The following LDLRAD3 variants were observed in gnomAD, a reference collection of about 807,000 sequenced individuals.
LDLRAD3 encodes the protein low-density lipoprotein receptor class A domain-containing protein 3.
LDLRAD3 carries 20 observed loss-of-function variants against 29.4 expected under a neutral mutation model. That is an observed-to-expected ratio of 0.68 (90% confidence interval 0.48 to 0.99). The LOEUF is 0.99. Ranked by LOEUF, LDLRAD3 falls within the 50% of genes least tolerant of loss-of-function variation. The pLI is 0.00. For synonymous variants in LDLRAD3, 157 were observed against 192.7 expected (o/e 0.81, Z 1.53); for missense variants, 420 against 454.3 (o/e 0.92, Z 0.69).
Position 36,213,474 on chromosome 11 carries a change from C to T in LDLRAD3, c.455-13611C>T, listed in dbSNP as rs12420852. Among the ~76,000 whole-genome samples the T allele has an allele frequency of 0.066, 10,036 of 152,316 alleles. 452 individuals carry two copies. The highest frequency in any genetic ancestry group is 0.2 in the East Asian group (1,012 of 5,176). ...GGAATAGGGATCCGCAAAGGCGCTC[C>T]AGCCCCATGGGATGCTTTTTTTAGA... On this transcript the variant is annotated intron_variant, in intron 4 of 5. Coordinates refer to ENST00000315571, the MANE Select transcript of LDLRAD3 (RefSeq NM_174902.4). The surrounding 1 kb of genome is among the most constrained non-coding windows in gnomAD (Gnocchi z 4.1).
At chr11:35,998,515 T>TAAAC (rs1461537213) in intron 1 of LDLRAD3, among the ~76,000 whole-genome samples, 4 of 152,152 alleles carry the variant, frequency 2.6e-5, no homozygotes, top group Admixed American at 6.5e-5. Flanking sequence ...CAGGCTGATC[T>TAAAC]AAACAAACAA....
At chr11:36,065,708 C>T (rs1373600713) in intron 2 of LDLRAD3, among the ~76,000 whole-genome samples, 1 of 152,202 alleles carries the variant, frequency 6.6e-6, no homozygotes, top group Non-Finnish European at 1.5e-5. Flanking sequence ...ACACACTCAC[C>T]TCTGATGTAT....
intron 1 of LDLRAD3, among the ~76,000 whole-genome samples, chr11:35,981,650 A>AT (rs1279301481): frequency 6.6e-6 from 1 of 152,104 alleles, no homozygotes. Flanking sequence ...AAGGAAGTCG[A>AT]TTTCAGTAGG....
intron 1 of LDLRAD3, among the ~76,000 whole-genome samples, chr11:35,965,622 A>AG (rs1356317300): frequency 6.6e-6 from 1 of 152,170 alleles, no homozygotes; most frequent in Non-Finnish European, 1.5e-5. Context: ...TGGGTAAAAA[A>AG]TTCTGGAGAG....
At chr11:36,001,674 A>G (rs1293563568) in intron 1 of LDLRAD3, among the ~76,000 whole-genome samples, 3 of 152,286 alleles carry the variant, frequency 2.0e-5, no homozygotes, top group Admixed American at 6.5e-5. Flanking sequence ...TAGAAAATAC[A>G]GTTGGAAAGA....
At chr11:36,192,705 C>T (rs749213274) in intron 4 of LDLRAD3, among the ~76,000 whole-genome samples, 3 of 152,184 alleles carry the variant, frequency 2.0e-5, no homozygotes, top group Admixed American at 6.5e-5. Context: ...TGACACCTTC[C>T]ATTACAAACT....
chr11:36,161,491 A>G lies in LDLRAD3; in HGVS notation c.454+63030A>G, dbSNP rs185585927. ...TACCTGTAGATATATTTCTAAATAC[A>G]TATCTGTAGATGTGTTTATAAATGT... On this transcript the variant is annotated intron_variant, in intron 4 of 5. Coordinates refer to ENST00000315571, the MANE Select transcript of LDLRAD3 (RefSeq NM_174902.4). Among the ~76,000 whole-genome samples the G allele has an allele frequency of 4.9e-3, 740 of 152,318 alleles. 6 individuals carry two copies. The highest frequency in any genetic ancestry group is 8.2e-3 in the Non-Finnish European group (558 of 68,024).
At chr11:36,104,900 A>T (rs1053703578) in intron 4 of LDLRAD3, among the ~76,000 whole-genome samples, 1 of 152,064 alleles carries the variant, frequency 6.6e-6, no homozygotes, top group African/African-American at 2.4e-5. Context: ...CTGTGAGTTT[A>T]TGGGGGAGAT....
At position 36,229,299 on chromosome 11, in the gene LDLRAD3, G is replaced by A. The variant is rs367902001; in HGVS notation, c.940G>A (p.Val314Met). ...SSQAASSLLSVEDTSHSPGQP... is the reference protein window; with the variant it reads ...SSQAASSLLSMEDTSHSPGQP... ...CCAGGCAGCCAGCAGCCTCCTGAGC[G>A]TGGAAGACACCAGCCACAGCCCGGG... The change falls in exon 6 of 6, where the codon GTG becomes ATG. Residue 314 changes from valine (V) to methionine (M), a missense_variant. Physicochemically the swap from Val to Met is conservative, Grantham distance 21. This residue lies in a region of LDLRAD3 where 140 missense variants were observed against 139.9 expected (regional missense o/e 1.00). Transcript: ENST00000315571. 123 of 1,613,928 alleles carry A rather than the reference G, an allele frequency of 7.6e-5. No homozygotes were observed. The highest frequency in any genetic ancestry group is 2.4e-4 in the South Asian group (22 of 91,086).
At chr11:36,036,082 C>T (rs746298658) in intron 1 of LDLRAD3, 21 bp from the exon 2 acceptor site, 1 of 1,612,020 alleles carries the variant, frequency 6.2e-7, no homozygotes, top group Non-Finnish European at 8.5e-7. Context: ...TGCCGTCTGA[C>T]CTGTCCCCTC....
At chr11:36,086,617 A>G (rs1853200130) in intron 3 of LDLRAD3, among the ~76,000 whole-genome samples, 1 of 152,162 alleles carries the variant, frequency 6.6e-6, no homozygotes, top group South Asian at 2.1e-4. Context: ...AGGAGTTTGT[A>G]AACAGTTTTA....
At chr11:36,121,363 G>T (rs1370866679) in intron 4 of LDLRAD3, among the ~76,000 whole-genome samples, 1 of 152,010 alleles carries the variant, frequency 6.6e-6, no homozygotes, top group Admixed American at 6.5e-5. Flanking sequence ...GTGGGGTGGT[G>T]GAGTGCAGCC....
chr11:36,075,767 G>T (rs746459105), intron 2 of LDLRAD3, among the ~76,000 whole-genome samples: 2 of 151,776 alleles, frequency 1.3e-5, no homozygotes, highest in Non-Finnish European at 2.9e-5. Context: ...ACAATTTTTG[G>T]TATCAGTCTC....
At chr11:35,992,815 A>G (rs193126542) in intron 1 of LDLRAD3, among the ~76,000 whole-genome samples, 1 of 152,342 alleles carries the variant, frequency 6.6e-6, no homozygotes, top group African/African-American at 2.4e-5. Context: ...CAAAAGCCAT[A>G]GCATTGTATA....
intron 2 of LDLRAD3, among the ~76,000 whole-genome samples, chr11:36,074,676 T>G (rs925793474): frequency 6.6e-6 from 1 of 152,140 alleles, no homozygotes; most frequent in African/African-American, 2.4e-5. Context: ...GAGGAAACAC[T>G]CTCAGCGTAG....
intron 1 of LDLRAD3, among the ~76,000 whole-genome samples, chr11:36,027,781 T>C (rs1052269937): frequency 3.9e-5 from 6 of 152,210 alleles, no homozygotes; most frequent in Non-Finnish European, 8.8e-5. Flanking sequence ...AAATCCTTCT[T>C]TTTGGGCAGT....
intron 4 of LDLRAD3, among the ~76,000 whole-genome samples, chr11:36,113,672 CT>C (rs745375991): frequency 0.041 from 5,183 of 126,308 alleles, 126 homozygotes; most frequent in African/African-American, 0.12. Context: ...CATAGCATCA[CT>C]TTTTTTTTTT....
intron 1 of LDLRAD3, among the ~76,000 whole-genome samples, chr11:35,957,658 G>A (rs1214869966): frequency 2.6e-5 from 4 of 151,508 alleles, no homozygotes; most frequent in African/African-American, 9.7e-5. Flanking sequence ...AAATTAGCCG[G>A]GCACAGTGGT....
At chr11:36,205,520 G>A (rs1484785464) in intron 4 of LDLRAD3, among the ~76,000 whole-genome samples, 1 of 152,144 alleles carries the variant, frequency 6.6e-6, no homozygotes, top group African/African-American at 2.4e-5. Flanking sequence ...GAAGTTGAGG[G>A]ATGTAAGCAG....
Sources: allele counts gnomAD v4.1 joint callset (sites outside exome capture counted in the v4.1 genomes callset), GRCh38; gene constraint gnomAD v4.1.1; regional missense constraint gnomAD v4.1.1; non-coding constraint Gnocchi (gnomAD v3.1); transcripts MANE v1.5; gene names NCBI Gene and HGNC (gene_info 2026-07-23, HGNC 2026-07-21).